PAG1: variants seen among roughly 807,000 people sequenced by gnomAD.
PAG1 encodes phosphoprotein membrane anchor with glycosphingolipid microdomains 1, also known as phosphoprotein associated with glycosphingolipid-enriched microdomains 1.
A neutral mutation model predicts 31.7 loss-of-function variants in PAG1; 23 were observed. The ratio of observed to expected loss-of-function variants is 0.73; its 90% confidence interval spans 0.52 to 1.03. The LOEUF (loss-of-function observed/expected upper bound fraction) is 1.03. Among genes scored for constraint, PAG1 ranks in the 50% least tolerant of loss-of-function variants. The pLI, the probability that PAG1 is intolerant of heterozygous loss-of-function variation, is 0.00. For synonymous variants in PAG1, 214 were observed against 210.3 expected (o/e 1.02, Z -0.15); for missense variants, 473 against 540.7 (o/e 0.87, Z 1.24).
At chr8:81,092,376 T>G (rs1024293663) in intron 1 of PAG1, among the ~76,000 whole-genome samples, 1 of 152,154 alleles carries the variant, frequency 6.6e-6, no homozygotes, top group African/African-American at 2.4e-5. Flanking sequence ...AAAGCAAGAC[T>G]CTGTCTCAAA....
At chr8:81,035,636 A>G (rs758737369) in intron 2 of PAG1, among the ~76,000 whole-genome samples, 2 of 152,216 alleles carry the variant, frequency 1.3e-5, no homozygotes, top group Non-Finnish European at 2.9e-5. Flanking sequence ...CACATGCAAG[A>G]GGAACAAATA....
chr8:81,030,529 G>A (rs1808361860), intron 2 of PAG1, among the ~76,000 whole-genome samples: 1 of 152,240 alleles, frequency 6.6e-6, no homozygotes, highest in Non-Finnish European at 1.5e-5. Context: ...GGTAAGCTGT[G>A]ATTCAGTTCT....
At chr8:81,051,689 A>G (rs1245370263) in intron 2 of PAG1, among the ~76,000 whole-genome samples, 2 of 152,196 alleles carry the variant, frequency 1.3e-5, no homozygotes, top group Non-Finnish European at 2.9e-5. Context: ...ATTAAACTCT[A>G]TTGTACTCTG....
At chr8:81,033,731 A>C (rs1431931620) in intron 2 of PAG1, among the ~76,000 whole-genome samples, 1 of 152,184 alleles carries the variant, frequency 6.6e-6, no homozygotes, top group Non-Finnish European at 1.5e-5. Context: ...GTTTTTACCA[A>C]ACTAACCTGA....
chr8:81,017,082 C>T (rs1170926744), intron 3 of PAG1, among the ~76,000 whole-genome samples: 2 of 152,198 alleles, frequency 1.3e-5, no homozygotes, highest in East Asian at 3.9e-4. Context: ...CCCAGCTGAG[C>T]CCAGCCTAAA....
intron 3 of PAG1, among the ~76,000 whole-genome samples, chr8:80,998,518 G>A (rs937242868): frequency 2.6e-5 from 4 of 151,706 alleles, no homozygotes; most frequent in Admixed American, 6.6e-5. Flanking sequence ...CTCAATTATT[G>A]TTGGTGCCTT....
chr8:81,006,732 A>G (rs997766368), intron 3 of PAG1, among the ~76,000 whole-genome samples: 4 of 152,138 alleles, frequency 2.6e-5, no homozygotes, highest in African/African-American at 9.7e-5. Context: ...TGTGTTTATG[A>G]AAAGTCTTGG....
At chr8:81,032,790 C>T (rs1289154663) in intron 2 of PAG1, among the ~76,000 whole-genome samples, 3 of 152,184 alleles carry the variant, frequency 2.0e-5, no homozygotes, top group Admixed American at 6.5e-5. Context: ...AGAAGCATTA[C>T]TTGTAATACC....
intron 2 of PAG1, among the ~76,000 whole-genome samples, chr8:81,053,753 T>C (rs1171489236): frequency 6.6e-6 from 1 of 152,140 alleles, no homozygotes; most frequent in African/African-American, 2.4e-5. Context: ...GAAATGGACA[T>C]TTGAAGAAAT....
chr8:81,083,376 G>C (rs1188643848), intron 1 of PAG1, among the ~76,000 whole-genome samples: 1 of 152,126 alleles, frequency 6.6e-6, no homozygotes, highest in Admixed American at 6.5e-5. Context: ...ACTTACATGG[G>C]GTTGAGGTGG....
At chr8:80,994,245 ATGTTATGT>A (rs1355849829) in intron 3 of PAG1, among the ~76,000 whole-genome samples, 1 of 152,236 alleles carries the variant, frequency 6.6e-6, no homozygotes, top group Non-Finnish European at 1.5e-5. Context: ...TATTCTGAGT[ATGTTATGT>A]ATTCTGAGTA....
intron 2 of PAG1, among the ~76,000 whole-genome samples, chr8:81,049,227 A>G (rs185327588): frequency 6.6e-6 from 1 of 152,334 alleles, no homozygotes; most frequent in East Asian, 1.9e-4. Flanking sequence ...TTCACAACAT[A>G]TCTAAAAGTG....
intron 3 of PAG1, 28 bp from the exon 4 acceptor site, chr8:80,993,335 G>A: frequency 2.6e-6 from 3 of 1,147,550 alleles, no homozygotes; most frequent in Non-Finnish European, 3.6e-6. Flanking sequence ...CGTTTGGAGA[G>A]TAATTCTCGG....
chr8:81,103,678 T>A (rs1236582709), intron 1 of PAG1, among the ~76,000 whole-genome samples: 1 of 152,236 alleles, frequency 6.6e-6, no homozygotes. Context: ...AATAATCCAG[T>A]GAGCCGAAAG....
chr8:81,018,291 T>G (rs928249511), intron 3 of PAG1, among the ~76,000 whole-genome samples: 10 of 152,240 alleles, frequency 6.6e-5, no homozygotes, highest in Non-Finnish European at 1.5e-4. Context: ...CCTAAAATCT[T>G]TCTTTCTCAA....
rs73694033 is a variant in PAG1 at position 81,047,803 on chromosome 8, C to T, written c.-174-17714G>A. On this transcript the variant is annotated intron_variant, in intron 2 of 8. Transcript: ENST00000220597. ...CAGGAAATTATAGGCTCTTTGCTAT[C>T]GAAATCTGATGATTAGTCATTGAGT... Among the ~76,000 whole-genome samples the T allele has an allele frequency of 5.6e-3, 845 of 152,234 alleles. 10 individuals carry two copies. The highest frequency in any genetic ancestry group is 0.019 in the African/African-American group (809 of 41,528).
chr8:81,011,302 AAT>A (rs1473675695), intron 3 of PAG1, among the ~76,000 whole-genome samples: 1 of 152,162 alleles, frequency 6.6e-6, no homozygotes, highest in Admixed American at 6.5e-5. Context: ...GAGATAACTG[AAT>A]CATGGGAGTG....
chr8:80,973,358 T>C lies in PAG1; in HGVS notation c.*3186A>G, dbSNP rs1032364724. The C allele has an allele frequency of 3.3e-5, 5 of 152,178 alleles. No individual in the cohort carries two copies. The highest frequency in any genetic ancestry group is 9.6e-5 in the African/African-American group (4 of 41,460). The allele number at this position is 152,178 out of a possible 1,614,324, so 9.4% of individuals were successfully genotyped here. ...AGGATATTGAGACTATTTCAGAAAG[T>C]AGACACACTAAAAACATTTGACAAA... On this transcript the variant is annotated 3_prime_UTR_variant, in exon 9 of 9. Coordinates refer to ENST00000220597, the MANE Select transcript of PAG1 (RefSeq NM_018440.4).
At position 80,985,017 on chromosome 8, in the gene PAG1, T is replaced by G. The variant is rs1455281978; in HGVS notation, c.635A>C (p.Glu212Ala). 65 of 1,614,008 alleles carry G rather than the reference T, an allele frequency of 4.0e-5. No homozygotes were observed. The highest frequency in any genetic ancestry group is 5.2e-5 in the Non-Finnish European group (61 of 1,180,038). ...GCCTTCAGTCTGGGGCCCTGGGAGCTCTTTCGAGGCAGAAGTAGATTTTGC... is the reference window on the plus strand; with the variant it reads ...GCCTTCAGTCTGGGGCCCTGGGAGCGCTTTCGAGGCAGAAGTAGATTTTGC... The part of the protein sequence containing the change: ...GKAKSTSASK[E>A]LPGPQTEGKA... The change falls in exon 7 of 9, where the codon GAG becomes GCG. Residue 212 changes from glutamate to alanine, a missense_variant. By Grantham distance (107) the Glu-to-Ala change is moderately radical. Coordinates refer to ENST00000220597, the MANE Select transcript of PAG1 (RefSeq NM_018440.4).
Sources: allele counts gnomAD v4.1 joint callset (sites outside exome capture counted in the v4.1 genomes callset), GRCh38; gene constraint gnomAD v4.1.1; transcripts MANE v1.5; gene names NCBI Gene and HGNC (gene_info 2026-07-23, HGNC 2026-07-21).